The following HTR3D variants were observed in gnomAD, a reference collection of about 807,000 sequenced individuals.
HTR3D encodes 5-hydroxytryptamine (serotonin) receptor 3 family member D.
HTR3D carries 47 observed loss-of-function variants against 45.8 expected under a neutral mutation model. The ratio of observed to expected loss-of-function variants is 1.03; its 90% CI spans 0.81 to 1.31. The LOEUF (loss-of-function observed/expected upper bound fraction) is 1.31. Ranked by LOEUF, HTR3D falls within the 50% of genes most tolerant of loss-of-function variation. The pLI is 0.00. For missense variants in HTR3D, 448 were observed against 506.9 expected (o/e 0.88, Z 1.12); for synonymous variants, 203 against 199.8 (o/e 1.02, Z -0.13).
At chr3:184,033,625 A>C (rs1049955172) in intron 1 of HTR3D, among the ~76,000 whole-genome samples, 1 of 152,170 alleles carries the variant, frequency 6.6e-6, no homozygotes, top group African/African-American at 2.4e-5. Flanking sequence ...AGTATTAAAA[A>C]ACAAACAGAA....
At chr3:184,032,262 G>A (rs1722771353) in intron 1 of HTR3D, among the ~76,000 whole-genome samples, 1 of 152,182 alleles carries the variant, frequency 6.6e-6, no homozygotes. Flanking sequence ...CCAAAGTGTT[G>A]GGATTACAGG....
chr3:184,032,666 A>G (rs566561909), intron 1 of HTR3D, among the ~76,000 whole-genome samples: 1 of 152,164 alleles, frequency 6.6e-6, no homozygotes, highest in Non-Finnish European at 1.5e-5. Context: ...TTGCATACAC[A>G]TCTGGACAGG....
At chr3:184,033,856 G>T (rs1285785655) in intron 1 of HTR3D, among the ~76,000 whole-genome samples, 1 of 152,196 alleles carries the variant, frequency 6.6e-6, no homozygotes, top group African/African-American at 2.4e-5. Context: ...GGCAGAGGTT[G>T]CAGACAGCCA....
In HTR3D at chr3:184,038,000, C is replaced by T. The variant is rs1311388160; in HGVS notation, c.517-21C>T. Reference sequence around the variant, plus strand: ...CCTCCCAGCCTACTTCTCACTTGCCCCTCCTTCTCCTCCCCACCAGGTGGC... The same window carrying T: ...CCTCCCAGCCTACTTCTCACTTGCCTCTCCTTCTCCTCCCCACCAGGTGGC... On this transcript the variant is annotated intron_variant, in intron 5 of 7. Transcript: ENST00000428798. 4.3e-6 allele frequency: 7 copies of T among 1,610,534 alleles called. No homozygotes were observed. The Admixed American group carries it at 5.0e-5, about 12-fold the overall frequency.
intron 1 of HTR3D, chr3:184,033,077 C>T (rs1402947966): frequency 2.0e-6 from 3 of 1,511,516 alleles, no homozygotes; most frequent in Middle Eastern, 1.7e-4. Context: ...CCTCACCCAA[C>T]ATTGCAGTGG....
intron 1 of HTR3D, chr3:184,032,887 C>T (rs370968214): frequency 6.4e-7 from 1 of 1,552,088 alleles, no homozygotes; most frequent in Non-Finnish European, 8.7e-7. Flanking sequence ...AGTCTCTGCT[C>T]ACTACAGGAA....
At chr3:184,033,245 G>A (rs981429937) in intron 1 of HTR3D, among the ~76,000 whole-genome samples, 3 of 150,926 alleles carry the variant, frequency 2.0e-5, no homozygotes, top group Non-Finnish European at 2.9e-5. Context: ...CTCAGCCTCC[G>A]GCACGTGCTG....
rs1222314317 is a variant in HTR3D at position 184,038,684 on chromosome 3, C to G, written c.985+60C>G. 1.5e-5 allele frequency: 24 copies of G among 1,566,416 alleles called. No individual in the cohort carries two copies. Among genetic ancestry groups the G allele is most frequent in the Non-Finnish European group, 7.8e-6 (9 of 1,154,414 alleles). On this transcript the variant is annotated intron_variant, in intron 7 of 7. Transcript: ENST00000428798. This position sits in a 1 kb window ranked among gnomAD's most constrained non-coding sequence, Gnocchi z 4.5. ...CACTTCTCTGCTCCTGCCTCCTTCC[C>G]TGTCTCCCTCCCTCCACAGGTGACA...
intron 2 of HTR3D, 89 bp from the exon 3 acceptor site, chr3:184,035,926 T>G (rs1354417957): frequency 7.4e-7 from 1 of 1,345,290 alleles, no homozygotes; most frequent in Non-Finnish European, 1.0e-6. Context: ...CTCCTGACCT[T>G]CAGTGATCCC....
At chr3:184,033,030 T>C (rs1025319452) in intron 1 of HTR3D, 13 of 1,551,544 alleles carry the variant, frequency 8.4e-6, no homozygotes, top group Non-Finnish European at 1.1e-5. Flanking sequence ...CATGTCAACA[T>C]CTCCTTCACC....
chr3:184,036,122 C>T (rs1344541039), intron 3 of HTR3D, 22 bp downstream of exon 3: 1 of 1,544,616 alleles, frequency 6.5e-7, no homozygotes, highest in Non-Finnish European at 8.7e-7. Flanking sequence ...GCCAAAAAAG[C>T]AGAATGGAAA....
chr3:184,039,088 C>G lies in HTR3D; in HGVS notation c.*113C>G. 8.7e-7 allele frequency: 1 copy of G among 1,142,972 alleles called. No individual in the cohort carries two copies. The allele number at this position is 1,142,972 out of a possible 1,614,324, so 70.8% of individuals were successfully genotyped here. ...CCTGTCAACCGCCTCATTTTTAACC[C>G]AGTCCTCTGTGTAGTTTCAGACCAG... On this transcript the variant is annotated 3_prime_UTR_variant, in exon 8 of 8. Coordinates refer to ENST00000428798, the MANE Select transcript of HTR3D (RefSeq NM_001145143.1).
intron 1 of HTR3D, among the ~76,000 whole-genome samples, chr3:184,034,372 C>G (rs1722825346): frequency 6.6e-6 from 1 of 152,116 alleles, no homozygotes; most frequent in Non-Finnish European, 1.5e-5. Flanking sequence ...GTGTATTTGT[C>G]TAATTTTATA....
chr3:184,037,240 A>C (rs2108962318), intron 5 of HTR3D, among the ~76,000 whole-genome samples: 1 of 151,142 alleles, frequency 6.6e-6, no homozygotes, highest in East Asian at 2.0e-4. Context: ...GGGTTTCACC[A>C]CGTTCACCAG....
Position 184,035,202 on chromosome 3 carries a change from T to A in HTR3D, c.91T>A (p.Ser31Thr). Residue 31 changes from serine (S) to threonine (T), a missense_variant, in exon 2 of 8, where the codon TCG becomes ACG. Physicochemically the swap from Ser to Thr is moderately conservative, Grantham distance 58 (BLOSUM62 1). Coordinates refer to ENST00000428798, the MANE Select transcript of HTR3D (RefSeq NM_001145143.1). ...LQDSHLQLVT[S>T]FLWLNMWNPD... ...GGATTCACACCTTCAACTGGTGACA[T>A]CGTTCCTGTGGCTAAATATGGTATG... The A allele has an allele frequency of 6.4e-7, 1 of 1,552,258 alleles. No homozygotes were observed. Among genetic ancestry groups the A allele is most frequent in the Non-Finnish European group, 8.7e-7 (1 of 1,147,114 alleles).
intron 5 of HTR3D, 144 bp downstream of exon 5, chr3:184,037,040 T>A: frequency 1.4e-6 from 1 of 709,994 alleles, no homozygotes; most frequent in Non-Finnish European, 2.2e-6. Context: ...TGTCACTCTT[T>A]TTTTTTTTTT....
At chr3:184,033,103 T>C (rs756293934) in intron 1 of HTR3D, 133 of 1,363,664 alleles carry the variant, frequency 9.8e-5, no homozygotes, top group Middle Eastern at 1.9e-4. Context: ...TGGTGAGCAG[T>C]GGACCCTCTG....
At chr3:184,037,831 G>A (rs1158974617) in intron 5 of HTR3D, among the ~76,000 whole-genome samples, 190 bp from the exon 6 acceptor site, 1 of 152,238 alleles carries the variant, frequency 6.6e-6, no homozygotes, top group Non-Finnish European at 1.5e-5. Context: ...ACATTTCAGA[G>A]GTAAGCAGCA....
chr3:184,031,969 T>A (rs1350416503), intron 1 of HTR3D, among the ~76,000 whole-genome samples, 162 bp downstream of exon 1: 1 of 151,544 alleles, frequency 6.6e-6, no homozygotes, highest in Non-Finnish European at 1.5e-5. Context: ...CCTAGGATCC[T>A]AATATTTAGT....
Sources: gnomAD v4.1 joint callset for allele counts (sites outside exome capture counted in the v4.1 genomes callset) on GRCh38, gnomAD v4.1.1 for gene constraint, Gnocchi (gnomAD v3.1) non-coding constraint, MANE v1.5 for transcripts, NCBI Gene and HGNC (gene_info 2026-07-23, HGNC 2026-07-21) for gene names.